Variants in ZNF689 observed in about 807,000 individuals in gnomAD.
The protein encoded by ZNF689 is zinc finger protein 689.
In ZNF689, 14 loss-of-function variants were observed where a neutral mutation model predicts 37.2. The ratio of observed to expected loss-of-function variants is 0.38; its 90% confidence interval spans 0.25 to 0.59. The LOEUF (loss-of-function observed/expected upper bound fraction) is 0.59, where lower values mean the gene tolerates loss of function less well. Ranked by LOEUF, ZNF689 falls within the 20% of genes least tolerant of loss-of-function variation. The pLI, the probability that ZNF689 is intolerant of heterozygous loss-of-function variation, is 0.68. For missense variants in ZNF689, 573 were observed against 700.2 expected, an observed-to-expected ratio of 0.82 and a Z score of 2.05; for synonymous variants, 277 against 283.3, an observed-to-expected ratio of 0.98 and a Z score of 0.22.
upstream of ZNF689, chr16:30,610,772 C>A (rs1184648112): frequency 2.0e-5 from 3 of 152,160 alleles, no homozygotes; most frequent in African/African-American, 7.2e-5. Context: ...TGGTTATCTT[C>A]TTTGTTTGCC....
chr16:30,606,215 AT>A (rs1170435849), intron 2 of ZNF689, among the ~76,000 whole-genome samples: 1 of 152,036 alleles, frequency 6.6e-6, no homozygotes, highest in Non-Finnish European at 1.5e-5. Context: ...GAGGTAGAGG[AT>A]TACTTGAGCC....
Position 30,603,280 on chromosome 16 carries a change from C to G in ZNF689, c.*984G>C, listed in dbSNP as rs886075214. 10 of 152,160 alleles carry G rather than the reference C, an allele frequency of 6.6e-5. No individual in the cohort carries two copies. Among genetic ancestry groups the G allele is most frequent in the Non-Finnish European group, 1.2e-4 (8 of 68,050 alleles). 9.4% of individuals were successfully genotyped at this position (152,160 alleles called of 1,614,324 possible). On this transcript the variant is annotated 3_prime_UTR_variant, in exon 3 of 3. Transcript: ENST00000287461. ...GTCCCTGCTTCTCCTTAAGAGCAACCTTCTCCCAGAGCTGACTACACTTAT... is the reference window on the plus strand; with the variant it reads ...GTCCCTGCTTCTCCTTAAGAGCAACGTTCTCCCAGAGCTGACTACACTTAT...
rs1378397288 is a variant in ZNF689, at chr16:30,605,214, G to A, written c.553C>T (p.Arg185Cys). The change falls in exon 3 of 3, where the codon CGC (arginine) becomes TGC (cysteine). Residue 185 changes from arginine to cysteine, a missense_variant. By Grantham distance (180) the Arg-to-Cys change is radical. Around this residue, in one of 3 missense-constraint regions of ZNF689, gnomAD observed 252 missense variants for 313.3 expected, o/e 0.80. Transcript: ENST00000287461. The surrounding 1 kb of genome is among the most constrained non-coding windows in gnomAD (Gnocchi z 5.1). ...ACCAGCAGGGATGGATAGGAAAAGC[G>A]GCGCCCACAGTCTGGGCAAGGGTAA... ...KPYPCPDCGR[R>C]FSYPSLLVSH... is the part of the protein sequence containing the mutation. The A allele has an allele frequency of 2.5e-6, 4 of 1,613,900 alleles. No individual in the cohort carries two copies. The highest frequency in any genetic ancestry group is 3.4e-6 in the Non-Finnish European group (4 of 1,179,944).
intron 2 of ZNF689, among the ~76,000 whole-genome samples, chr16:30,606,838 A>G (rs947580096): frequency 2.0e-5 from 3 of 152,078 alleles, no homozygotes; most frequent in African/African-American, 7.2e-5. Flanking sequence ...CACCTTATAC[A>G]CACTTTACAT....
chr16:30,610,143 G>T lies in ZNF689; in HGVS notation c.-102C>A. The T allele has an allele frequency of 7.3e-7, 1 of 1,372,016 alleles. No homozygotes were observed. Among genetic ancestry groups the T allele is most frequent in the Non-Finnish European group, 9.7e-7 (1 of 1,032,954 alleles). The allele number at this position is 1,372,016 out of a possible 1,614,324, so 85.0% of individuals were successfully genotyped here. ...GGAGCCCCTGCCGGACCAGGGCTGAGCGTGGCCGGGGAGGCCCGGAGGGAA... is the reference window on the plus strand; with the variant it reads ...GGAGCCCCTGCCGGACCAGGGCTGATCGTGGCCGGGGAGGCCCGGAGGGAA... On this transcript the variant is annotated 5_prime_UTR_variant, in exon 1 of 3. Coordinates refer to ENST00000287461, the MANE Select transcript of ZNF689 (RefSeq NM_138447.3).
chr16:30,609,375 G>T, intron 2 of ZNF689, 150 bp downstream of exon 2: 1 of 603,058 alleles, frequency 1.7e-6, no homozygotes, highest in Non-Finnish European at 2.9e-6. Flanking sequence ...TGGTGGACCG[G>T]CCCCACACCA....
At position 30,604,768 on chromosome 16, in the gene ZNF689, G is replaced by T; in HGVS notation, c.999C>A (p.Val333=). The T allele has an allele frequency of 6.2e-7, 1 of 1,608,862 alleles. No homozygotes were observed. Among genetic ancestry groups the T allele is most frequent in the Non-Finnish European group, 8.5e-7 (1 of 1,178,034 alleles). ...ERRFSSSSRL[V]SHRRVHSGER... The stretch of plus-strand genomic sequence containing the variant: ...CCCCAGAGTGCACACGCCGGTGACT[G>T]ACCAGGCGAGAGGAGGAGGAGAAGC... The change falls in exon 3 of 3, where the codon GTC becomes GTA. Residue 333 remains valine, a synonymous_variant. Coordinates refer to ENST00000287461, the MANE Select transcript of ZNF689 (RefSeq NM_138447.3). The surrounding 1 kb of genome is among the most constrained non-coding windows in gnomAD (Gnocchi z 5.2).
rs1246113388 is a variant in ZNF689, at chr16:30,603,706, G to A, written c.*558C>T. The A allele has an allele frequency of 1.0e-5, 2 of 196,756 alleles. No individual in the cohort carries two copies. Among genetic ancestry groups the A allele is most frequent in the African/African-American group, 4.7e-5 (2 of 42,668 alleles). The allele number at this position is 196,756 out of a possible 1,614,324, so 12.2% of individuals were successfully genotyped here. ...GAAGTATTAAACATGTCGTAGGCAA[G>A]GTTTAGAGGAGAATGTGGTACTTAA... is the stretch of plus-strand genomic sequence containing the variant. On this transcript the variant is annotated 3_prime_UTR_variant, in exon 3 of 3. Transcript: ENST00000287461.
intron 2 of ZNF689, among the ~76,000 whole-genome samples, chr16:30,608,049 A>G (rs1389864545): frequency 6.6e-6 from 1 of 152,222 alleles, no homozygotes; most frequent in Non-Finnish European, 1.5e-5. Flanking sequence ...CTCTAAGCCA[A>G]TGGTTCTCAA....
At position 30,609,973 on chromosome 16, in the gene ZNF689, G is replaced by A; in HGVS notation, c.69C>T (p.Gly23=). 1.2e-6 allele frequency: 2 copies of A among 1,611,654 alleles called. No homozygotes were observed. The highest frequency in any genetic ancestry group is 1.7e-6 in the Non-Finnish European group (2 of 1,179,370). The change falls in exon 1 of 3, where the codon GGC becomes GGT. Residue 23 remains glycine, a synonymous_variant. Transcript: ENST00000287461. ...CGAACTTCAGAGCCCTCGGCCTCCT[G>A]CCCCTTTTCCGACTGGGTCTGGCCT... ...PGKARPSRKR[G]RRPRALKFVD... is the part of the protein sequence containing the mutation.
rs773070167 is a variant in ZNF689 at position 30,604,121 on chromosome 16, C to T, written c.*143G>A. 10 of 895,434 alleles carry T rather than the reference C, an allele frequency of 1.1e-5. No individual in the cohort carries two copies. The African/African-American group carries it at 1.3e-4, about 12-fold the overall frequency. The allele number at this position is 895,434 out of a possible 1,614,324, so 55.5% of individuals were successfully genotyped here. On this transcript the variant is annotated 3_prime_UTR_variant, in exon 3 of 3. Transcript: ENST00000287461. This position sits in a 1 kb window ranked among gnomAD's most constrained non-coding sequence, Gnocchi z 5.2. ...CAGACACGCACAGGGAGGCAGCCAG[C>T]GCATTGCAAGATACAAAGTTCAGCT...
upstream of ZNF689, chr16:30,610,490 G>A (rs1020169267): frequency 2.2e-5 from 4 of 178,236 alleles, no homozygotes; most frequent in African/African-American, 9.6e-5. Flanking sequence ...GCTAGCAAAG[G>A]CGGTCCGTTT....
upstream of ZNF689, chr16:30,610,406 A>C (rs886104685): frequency 5.7e-5 from 13 of 228,080 alleles, no homozygotes; most frequent in Admixed American, 1.0e-4. Context: ...ATTGGGCTTC[A>C]CGCCGTCTTT....
chr16:30,605,205 A>G lies in ZNF689; in HGVS notation c.562T>C (p.Tyr188His), dbSNP rs762494187. The G allele has an allele frequency of 6.2e-7, 1 of 1,613,998 alleles. No individual in the cohort carries two copies. Among genetic ancestry groups the G allele is most frequent in the Non-Finnish European group, 8.5e-7 (1 of 1,179,976 alleles). ...CGGTGACTGACCAGCAGGGATGGAT[A>G]GGAAAAGCGGCGCCCACAGTCTGGG... ...PCPDCGRRFS[Y>H]PSLLVSHRRA... The change falls in exon 3 of 3, where the codon TAT becomes CAT. Residue 188 changes from tyrosine to histidine, a missense_variant. Physicochemically the swap from Tyr to His is moderately conservative, Grantham distance 83 (BLOSUM62 2). Coordinates refer to ENST00000287461, the MANE Select transcript of ZNF689 (RefSeq NM_138447.3). This position sits in a 1 kb window ranked among gnomAD's most constrained non-coding sequence, Gnocchi z 5.1.
intron 2 of ZNF689, chr16:30,608,630 T>C (rs2052058046): frequency 6.6e-6 from 1 of 152,164 alleles, no homozygotes; most frequent in South Asian, 2.1e-4. Context: ...ATTTAAAAAA[T>C]GGAAGTTCCT....
chr16:30,608,427 C>A (rs1342426427), intron 2 of ZNF689: 2 of 151,996 alleles, frequency 1.3e-5, no homozygotes, highest in African/African-American at 2.4e-5. Flanking sequence ...TTACAGGCGC[C>A]CACCATAGTG....
intron 2 of ZNF689, among the ~76,000 whole-genome samples, chr16:30,608,911 T>C (rs2052061397): frequency 6.6e-6 from 1 of 152,196 alleles, no homozygotes; most frequent in African/African-American, 2.4e-5. Flanking sequence ...CTGAATGGGG[T>C]TAAGCAGAGC....
At chr16:30,609,458 G>T in intron 2 of ZNF689, 67 bp downstream of exon 2, 1 of 1,478,942 alleles carries the variant, frequency 6.8e-7, no homozygotes, top group Non-Finnish European at 9.4e-7. Context: ...CAAAACTCTG[G>T]ACAGAGCCGT....
Position 30,605,295 on chromosome 16 carries a change from A to C in ZNF689, c.472T>G (p.Phe158Val). The C allele has an allele frequency of 1.2e-6, 2 of 1,611,222 alleles. No individual in the cohort carries two copies. Among genetic ancestry groups the C allele is most frequent in the Non-Finnish European group, 1.7e-6 (2 of 1,178,124 alleles). ...CTCTCCAGGGCCTGATGATCAGGGA[A>C]GGTACAGCCGCAGTCAGGGCAGATG... is the stretch of plus-strand genomic sequence containing the variant. ...GPICPDCGCT[F>V]PDHQALESHK... is the part of the protein sequence containing the mutation. Residue 158 changes from phenylalanine (F) to valine (V), a missense_variant, in exon 3 of 3, where the codon TTC becomes GTC. Physicochemically the swap from Phe to Val is conservative, Grantham distance 50. Around this residue, in one of 3 missense-constraint regions of ZNF689, gnomAD observed 252 missense variants for 313.3 expected, o/e 0.80. Transcript: ENST00000287461. The surrounding 1 kb of genome is among the most constrained non-coding windows in gnomAD (Gnocchi z 5.1).
Sources: gnomAD v4.1 joint callset for allele counts (sites outside exome capture counted in the v4.1 genomes callset) on GRCh38, gnomAD v4.1.1 for gene constraint, gnomAD v4.1.1 regional missense constraint, Gnocchi (gnomAD v3.1) non-coding constraint, MANE v1.5 for transcripts, NCBI Gene and HGNC (gene_info 2026-07-23, HGNC 2026-07-21) for gene names.